LAMC1: variants seen among roughly 807,000 people sequenced by gnomAD.
LAMC1 encodes the protein laminin subunit gamma 1, also known as laminin subunit gamma-1.
In LAMC1, 38 loss-of-function variants were observed where a neutral mutation model predicts 173.6. The observed-to-expected ratio is 0.22, with a 90% confidence interval of 0.17 to 0.29. The LOEUF is 0.29. Ranked by LOEUF, LAMC1 falls within the 10% of genes least tolerant of loss-of-function variation. LAMC1 has a pLI of 1.00. For synonymous variants in LAMC1, 746 were observed against 749.1 expected (o/e 1.00, Z 0.07); for missense variants, 1,824 against 2,051.8 (o/e 0.89, Z 2.14).
chr1:183,081,613 G>GT (rs1655280312), intron 1 of LAMC1, among the ~76,000 whole-genome samples: 1 of 151,700 alleles, frequency 6.6e-6, no homozygotes, highest in Admixed American at 6.6e-5. Flanking sequence ...AATCTTTAGA[G>GT]TGTTTTTAGG....
intron 1 of LAMC1, among the ~76,000 whole-genome samples, chr1:183,052,321 A>G (rs972953133): frequency 6.6e-6 from 1 of 150,964 alleles, no homozygotes; most frequent in Non-Finnish European, 1.5e-5. Flanking sequence ...TAATCTATCT[A>G]TCTTTCTTTT....
intron 1 of LAMC1, among the ~76,000 whole-genome samples, chr1:183,073,910 A>T (rs1342524578): frequency 1.3e-5 from 2 of 152,230 alleles, no homozygotes; most frequent in Admixed American, 1.3e-4. Flanking sequence ...TGGAAACAAC[A>T]AAAAAGTGGC....
chr1:183,131,426 G>GTGT (rs199773324), intron 20 of LAMC1, 48 bp downstream of exon 20: 6 of 906,620 alleles, frequency 6.6e-6, no homozygotes, highest in Admixed American at 4.6e-5. Flanking sequence ...CTTCTGTTAT[G>GTGT]GGGTGTGTGT....
intron 4 of LAMC1, among the ~76,000 whole-genome samples, chr1:183,111,677 C>T (rs973312296): frequency 2.0e-5 from 3 of 152,078 alleles, no homozygotes; most frequent in Non-Finnish European, 2.9e-5. Context: ...TATGTCCTTA[C>T]AAATATTGTT....
chr1:183,087,785 G>A (rs938036048), intron 1 of LAMC1, among the ~76,000 whole-genome samples: 14 of 151,014 alleles, frequency 9.3e-5, no homozygotes, highest in Admixed American at 3.3e-4. Context: ...TTAGCTTTAG[G>A]AAAAAGGCAT....
chr1:183,119,399 G>A (rs1656409449), intron 11 of LAMC1, among the ~76,000 whole-genome samples: 1 of 152,100 alleles, frequency 6.6e-6, no homozygotes, highest in Admixed American at 6.6e-5. Context: ...TGGGGCTTAG[G>A]AAGAGATTAG....
intron 11 of LAMC1, among the ~76,000 whole-genome samples, chr1:183,119,053 C>T (rs1451662416): frequency 2.6e-5 from 4 of 151,998 alleles, no homozygotes; most frequent in African/African-American, 9.7e-5. Flanking sequence ...CGCCCCACCA[C>T]ACCCAGCTAA....
At chr1:183,127,074 T>C (rs1163982598) in intron 16 of LAMC1, 152 bp from the exon 17 acceptor site, 1 of 632,420 alleles carries the variant, frequency 1.6e-6, no homozygotes, top group Non-Finnish European at 2.6e-6. Context: ...TAAACAGACT[T>C]AGCCATTTAA....
At chr1:183,068,507 A>G (rs1219689047) in intron 1 of LAMC1, among the ~76,000 whole-genome samples, 1 of 152,210 alleles carries the variant, frequency 6.6e-6, no homozygotes, top group Non-Finnish European at 1.5e-5. Context: ...AGGACCTACT[A>G]TGTGTAAGCA....
chr1:183,118,083 G>A lies in LAMC1; in HGVS notation c.1927G>A (p.Glu643Lys), dbSNP rs982249828. The A allele has an allele frequency of 3.7e-6, 6 of 1,613,632 alleles. No homozygotes were observed. The highest frequency in any genetic ancestry group is 5.1e-6 in the Non-Finnish European group (6 of 1,179,728). The change falls in exon 11 of 28, where the codon GAA becomes AAA. Residue 643 changes from glutamate to lysine, a missense_variant. Glu to Lys is a moderately conservative substitution (Grantham distance 56). Transcript: ENST00000258341. The part of the protein sequence containing the change: ...YPWRPALTPF[E>K]FQKLLNNLTS... ...TTGGAGGCCTGCTCTTACCCCTTTT[G>A]AATTTCAGAAGCTCCTAAACAACTT...
chr1:183,127,490 G>A, intron 17 of LAMC1, 86 bp downstream of exon 17: 1 of 1,270,444 alleles, frequency 7.9e-7, no homozygotes, highest in Non-Finnish European at 1.1e-6. Context: ...AGAAAAAGTG[G>A]TGAACAAGGT....
intron 1 of LAMC1, among the ~76,000 whole-genome samples, chr1:183,032,328 C>G (rs1311339385): frequency 1.3e-5 from 2 of 152,126 alleles, no homozygotes; most frequent in Non-Finnish European, 2.9e-5. Context: ...TACCTTATTT[C>G]TTTTGAACTT....
intron 1 of LAMC1, among the ~76,000 whole-genome samples, chr1:183,037,742 AT>A (rs1362444275): frequency 4.0e-5 from 6 of 151,720 alleles, no homozygotes; most frequent in South Asian, 2.1e-4. Flanking sequence ...AGATACCTTA[AT>A]TTTTTTTGGC....
intron 1 of LAMC1, among the ~76,000 whole-genome samples, chr1:183,080,715 T>A (rs1655250163): frequency 1.3e-5 from 2 of 152,076 alleles, no homozygotes; most frequent in South Asian, 4.2e-4. Context: ...GTGTTTTAAA[T>A]CCTGTGTTAA....
At chr1:183,090,387 AAC>A (rs1186654233) in intron 1 of LAMC1, among the ~76,000 whole-genome samples, 1 of 152,350 alleles carries the variant, frequency 6.6e-6, no homozygotes, top group East Asian at 1.9e-4. Flanking sequence ...GGATATGAAG[AAC>A]ACTAACTTTG....
intron 1 of LAMC1, among the ~76,000 whole-genome samples, chr1:183,098,018 C>G (rs1412191635): frequency 6.6e-6 from 1 of 152,126 alleles, no homozygotes; most frequent in Non-Finnish European, 1.5e-5. Context: ...CAGAAATGCA[C>G]TTACTGTTTT....
intron 1 of LAMC1, among the ~76,000 whole-genome samples, chr1:183,096,832 T>G (rs1485656288): frequency 6.6e-6 from 1 of 152,148 alleles, no homozygotes; most frequent in Admixed American, 6.5e-5. Context: ...AACAGGATAA[T>G]AAGTTTTTAA....
chr1:183,042,897 A>G lies in LAMC1; in HGVS notation c.418+18763A>G, dbSNP rs921170107. Among the ~76,000 whole-genome samples the G allele has an allele frequency of 8.5e-5, 13 of 152,136 alleles. No individual in the cohort carries two copies. The East Asian group carries it at 2.5e-3, about 29-fold the overall frequency. On this transcript the variant is annotated intron_variant, in intron 1 of 27. Coordinates refer to ENST00000258341, the MANE Select transcript of LAMC1 (RefSeq NM_002293.4). Reference sequence around the variant, plus strand: ...ATGTCTATCTGCCTCGGAGGAGCACATCCCACATGGGCATTGTCTGAATTC... The same window carrying G: ...ATGTCTATCTGCCTCGGAGGAGCACGTCCCACATGGGCATTGTCTGAATTC...
intron 1 of LAMC1, among the ~76,000 whole-genome samples, chr1:183,035,877 T>C (rs1653966664): frequency 6.6e-6 from 1 of 152,200 alleles, no homozygotes; most frequent in Non-Finnish European, 1.5e-5. Context: ...TGCTTTACAA[T>C]GGAGTGTTAA....
Sources: gnomAD v4.1 joint callset for allele counts (sites outside exome capture counted in the v4.1 genomes callset) on GRCh38, gnomAD v4.1.1 for gene constraint, MANE v1.5 for transcripts, NCBI Gene and HGNC (gene_info 2026-07-23, HGNC 2026-07-21) for gene names.